The following PRTG variants were observed in gnomAD, a reference collection of about 807,000 sequenced individuals.
The protein encoded by PRTG is protogenin, also known as immunoglobulin superfamily, DCC subclass, member 5.
PRTG carries 67 observed loss-of-function variants against 122.5 expected under a neutral mutation model. The ratio of observed to expected loss-of-function variants is 0.55; its 90% CI spans 0.45 to 0.67. PRTG has a LOEUF of 0.67. Among genes scored for constraint, PRTG ranks in the 30% least tolerant of loss-of-function variants. The pLI, the probability that PRTG is intolerant of heterozygous loss-of-function variation, is 0.00. For synonymous variants in PRTG, 554 were observed against 501.1 expected (o/e 1.11, Z -1.41); for missense variants, 1,435 against 1,415.4 (o/e 1.01, Z -0.22).
At chr15:55,665,536 T>C (rs1334050437) in intron 11 of PRTG, among the ~76,000 whole-genome samples, 4 of 151,052 alleles carry the variant, frequency 2.6e-5, no homozygotes, top group Non-Finnish European at 4.4e-5. Context: ...TTTCAGTGGT[T>C]AAAAAAATTT....
chr15:55,739,889 C>A (rs752258743), intron 2 of PRTG, among the ~76,000 whole-genome samples: 1 of 152,262 alleles, frequency 6.6e-6, no homozygotes, highest in African/African-American at 2.4e-5. Flanking sequence ...AGTGACTGAC[C>A]AATGCCCTCT....
At position 55,677,942 on chromosome 15, in the gene PRTG, T is replaced by C; in HGVS notation, c.1236A>G (p.Val412=). 1 of 1,613,722 alleles carries C rather than the reference T, an allele frequency of 6.2e-7. No homozygotes were observed. The highest frequency in any genetic ancestry group is 8.5e-7 in the Non-Finnish European group (1 of 1,179,722). The change falls in exon 8 of 20, where the codon GTA becomes GTG. Residue 412 remains valine, a synonymous_variant. Coordinates refer to ENST00000389286, the MANE Select transcript of PRTG (RefSeq NM_173814.6). ...GSILSRARLT[V]VMSEDRPSAP... ...CACTGGGTCTGTCTTCTGACATCACTACAGTCAGTCTGGCTCTAGATAAAA... is the reference window on the plus strand; with the variant it reads ...CACTGGGTCTGTCTTCTGACATCACCACAGTCAGTCTGGCTCTAGATAAAA...
chr15:55,635,104 T>TGTG (rs773250114), intron 15 of PRTG, among the ~76,000 whole-genome samples: 3 of 112,634 alleles, frequency 2.7e-5, no homozygotes, highest in Non-Finnish European at 5.3e-5. Context: ...TGTGTGTGTG[T>TGTG]TTTTTGAGAC....
chr15:55,650,126 G>T (rs1284668872), intron 11 of PRTG, among the ~76,000 whole-genome samples: 1 of 152,130 alleles, frequency 6.6e-6, no homozygotes, highest in Non-Finnish European at 1.5e-5. Context: ...ACGCTGTGTG[G>T]CTATGAAAGT....
rs1595594976 is a variant in PRTG, at chr15:55,616,219, A to G, written c.*3793T>C. 6.6e-6 allele frequency: 1 copy of G among 152,116 alleles called. No homozygotes were observed. Among genetic ancestry groups the G allele is most frequent in the East Asian group, 1.9e-4 (1 of 5,190 alleles). The allele number at this position is 152,116 out of a possible 1,614,324, so 9.4% of individuals were successfully genotyped here. On this transcript the variant is annotated 3_prime_UTR_variant, in exon 20 of 20. Transcript: ENST00000389286. ...AGGTTCCATTAAAGTTTGAAAACTG[A>G]GCTCCTTTGGTGCAATGCAAACATT... is the stretch of plus-strand genomic sequence containing the variant.
chr15:55,668,846 G>A (rs1308527538), intron 11 of PRTG, among the ~76,000 whole-genome samples: 1 of 152,082 alleles, frequency 6.6e-6, no homozygotes, highest in African/African-American at 2.4e-5. Context: ...GAGCTTTGAG[G>A]TTTTAGAGTA....
chr15:55,673,498 C>G lies in PRTG; in HGVS notation c.1725G>C (p.Glu575Asp). The G allele has an allele frequency of 6.2e-7, 1 of 1,614,180 alleles. No individual in the cohort carries two copies. The highest frequency in any genetic ancestry group is 8.5e-7 in the Non-Finnish European group (1 of 1,180,034). ...QVLELPGTTH[E>D]YLLEGLKPDS... ...CAGGTTTCAGGCCTTCCAAAAGGTA[C>G]TCATGCGTGGTCCCCGGGAGCTCCA... is the stretch of plus-strand genomic sequence containing the variant. The change falls in exon 10 of 20, where the codon GAG becomes GAC. Residue 575 changes from glutamate (E) to aspartate (D), a missense_variant. Transcript: ENST00000389286.
At chr15:55,706,210 G>A (rs956838526) in intron 2 of PRTG, among the ~76,000 whole-genome samples, 1 of 151,622 alleles carries the variant, frequency 6.6e-6, no homozygotes, top group African/African-American at 2.4e-5. Context: ...ATACTACACT[G>A]TTAAGTCTCT....
intron 11 of PRTG, among the ~76,000 whole-genome samples, chr15:55,661,703 T>C (rs2059410712): frequency 6.6e-6 from 1 of 152,110 alleles, no homozygotes; most frequent in African/African-American, 2.4e-5. Flanking sequence ...CCACTAAATA[T>C]CAACTTTTCA....
rs558486916 is a variant in PRTG at position 55,720,144 on chromosome 15, C to A, written c.397+20238G>T. 9.9e-5 allele frequency among the ~76,000 whole-genome samples: 15 copies of A among 151,828 alleles called. No homozygotes were observed. In the East Asian group the frequency reaches 2.9e-3, roughly 29 times the overall value. On this transcript the variant is annotated intron_variant, in intron 2 of 19. Coordinates refer to ENST00000389286, the MANE Select transcript of PRTG (RefSeq NM_173814.6). The stretch of plus-strand genomic sequence containing the variant: ...CTGTAATCCCAGCACTTTGGGAGGC[C>A]GAGGCAGGCGGATCACCTGAGGTCA...
intron 15 of PRTG, among the ~76,000 whole-genome samples, chr15:55,633,103 G>A (rs1210998279): frequency 6.6e-6 from 1 of 152,140 alleles, no homozygotes; most frequent in Non-Finnish European, 1.5e-5. Context: ...GCATCTTTAT[G>A]ATATCAGTAA....
intron 10 of PRTG, 122 bp from the exon 11 acceptor site, chr15:55,672,755 A>T (rs952910552): frequency 3.1e-5 from 19 of 620,256 alleles, no homozygotes; most frequent in Non-Finnish European, 4.4e-5. Flanking sequence ...CAAAAATTAT[A>T]CTATAACCTA....
intron 11 of PRTG, among the ~76,000 whole-genome samples, chr15:55,643,710 C>A (rs921333659): frequency 6.6e-6 from 1 of 152,086 alleles, no homozygotes; most frequent in Non-Finnish European, 1.5e-5. Flanking sequence ...AGGAATGAGC[C>A]ACTGCAGCAG....
At chr15:55,727,657 G>A (rs532099146) in intron 2 of PRTG, among the ~76,000 whole-genome samples, 51 of 152,108 alleles carry the variant, frequency 3.4e-4, no homozygotes, top group African/African-American at 1.2e-3. Context: ...TTAGCAGGGC[G>A]TGGTGGCATA....
chr15:55,653,684 G>A (rs1459308094), intron 11 of PRTG, among the ~76,000 whole-genome samples: 4 of 152,054 alleles, frequency 2.6e-5, no homozygotes, highest in South Asian at 4.1e-4. Flanking sequence ...GGCTGGTCTC[G>A]AACTCCTGAC....
intron 2 of PRTG, among the ~76,000 whole-genome samples, chr15:55,693,312 C>T (rs1369341423): frequency 6.6e-6 from 1 of 152,090 alleles, no homozygotes; most frequent in Non-Finnish European, 1.5e-5. Context: ...CGAAATCAGC[C>T]GGGCGTGGCG....
intron 2 of PRTG, among the ~76,000 whole-genome samples, chr15:55,725,162 A>C (rs578246663): frequency 3.3e-5 from 5 of 152,204 alleles, no homozygotes; most frequent in Non-Finnish European, 7.3e-5. Flanking sequence ...AATAATATAA[A>C]AGGGGGGTGA....
chr15:55,648,793 A>G lies in PRTG; in HGVS notation c.2042-7585T>C, dbSNP rs8039084. Among the ~76,000 whole-genome samples the G allele has an allele frequency of 4.5e-3, 690 of 152,312 alleles. 4 individuals carry two copies. Among genetic ancestry groups the G allele is most frequent in the African/African-American group, 0.016 (648 of 41,574 alleles). ...TTTGCCATACCTATAAATATTTCAT[A>G]TAAACTTCAAAAACCTCTGTATTGG... is the stretch of plus-strand genomic sequence containing the variant. On this transcript the variant is annotated intron_variant, in intron 11 of 19. Coordinates refer to ENST00000389286, the MANE Select transcript of PRTG (RefSeq NM_173814.6).
intron 18 of PRTG, among the ~76,000 whole-genome samples, chr15:55,621,195 T>G (rs1449793349): frequency 6.6e-6 from 1 of 151,772 alleles, no homozygotes; most frequent in South Asian, 2.1e-4. Context: ...CTACTAAAAA[T>G]ACAAAAATTA....
Sources: allele counts gnomAD v4.1 joint callset (sites outside exome capture counted in the v4.1 genomes callset), GRCh38; gene constraint gnomAD v4.1.1; transcripts MANE v1.5; gene names NCBI Gene and HGNC (gene_info 2026-07-23, HGNC 2026-07-21).